PEAK1: variants seen among roughly 807,000 people sequenced by gnomAD.
PEAK1 encodes the protein inactive tyrosine-protein kinase PEAK1.
PEAK1 carries 54 observed loss-of-function variants against 124.7 expected under a neutral mutation model. That is an observed-to-expected ratio of 0.43 (90% CI 0.35 to 0.54). The LOEUF (loss-of-function observed/expected upper bound fraction) is 0.54. Ranked by LOEUF, PEAK1 falls within the 20% of genes least tolerant of loss-of-function variation. The pLI, the probability that PEAK1 is intolerant of heterozygous loss-of-function variation, is 0.01. For missense variants in PEAK1, 2,046 were observed against 2,134.5 expected, an observed-to-expected ratio of 0.96 and a Z score of 0.82; for synonymous variants, 719 against 760.0, an observed-to-expected ratio of 0.95 and a Z score of 0.89.
chr15:77,166,981 G>A (rs374704146), intron 7 of PEAK1, among the ~76,000 whole-genome samples: 19 of 152,274 alleles, frequency 1.2e-4, no homozygotes, highest in African/African-American at 4.3e-4. Flanking sequence ...CATCTCTAGG[G>A]ATTGATTTAA....
chr15:77,403,193 T>G (rs1595858211), intron 1 of PEAK1: 1 of 985,410 alleles, frequency 1.0e-6, no homozygotes. Flanking sequence ...CCAATGAGAT[T>G]GTATTTGTCT....
intron 7 of PEAK1, among the ~76,000 whole-genome samples, chr15:77,168,479 T>C (rs919068558): frequency 3.3e-5 from 5 of 152,214 alleles, no homozygotes; most frequent in Non-Finnish European, 2.9e-5. Context: ...AACCCTGTTG[T>C]AGCTTGAAAA....
At chr15:77,417,459 C>CG (rs745566711) in intron 1 of PEAK1, 89,476 of 375,394 alleles carry the variant, frequency 0.24, 3,880 homozygotes, top group Middle Eastern at 0.25. Flanking sequence ...GGATGCGGGG[C>CG]GGGGGGGGAG....
At chr15:77,328,776 C>T (rs946594269) in intron 2 of PEAK1, among the ~76,000 whole-genome samples, 9 of 152,076 alleles carry the variant, frequency 5.9e-5, no homozygotes, top group African/African-American at 2.2e-4. Context: ...GCATTATAAA[C>T]CACATAGTTG....
chr15:77,336,978 T>C (rs181357124), intron 2 of PEAK1: 4 of 356,632 alleles, frequency 1.1e-5, no homozygotes, highest in Admixed American at 6.5e-5. Context: ...CTAAACACTA[T>C]ATAATATTTT....
At chr15:77,249,889 C>T (rs928111112) in intron 6 of PEAK1, among the ~76,000 whole-genome samples, 1 of 151,908 alleles carries the variant, frequency 6.6e-6, no homozygotes, top group African/African-American at 2.4e-5. Flanking sequence ...AATCTGATCA[C>T]TTTCTATGTA....
chr15:77,398,412 C>A (rs2141989809), intron 1 of PEAK1, among the ~76,000 whole-genome samples: 1 of 152,300 alleles, frequency 6.6e-6, no homozygotes, highest in African/African-American at 2.4e-5. Context: ...AAAGACCATT[C>A]ATCATGATCA....
At chr15:77,254,188 G>T (rs1478369851) in intron 5 of PEAK1, among the ~76,000 whole-genome samples, 1 of 151,892 alleles carries the variant, frequency 6.6e-6, no homozygotes, top group Non-Finnish European at 1.5e-5. Flanking sequence ...TATTCTACTT[G>T]GAGTTTACTG....
Position 77,265,297 on chromosome 15 carries a change from C to G in PEAK1, c.-274-12771G>C, listed in dbSNP as rs1267429006. ...AAGAGCTTCTGCACAGCAAAAGAAA[C>G]TACCAACAAAGTGAATAGACAACCC... On this transcript the variant is annotated intron_variant, in intron 5 of 9. Coordinates refer to ENST00000682557, the MANE Select transcript of PEAK1 (RefSeq NM_001385026.1). Among the ~76,000 whole-genome samples, 4 of 152,140 alleles carry G rather than the reference C, an allele frequency of 2.6e-5. No homozygotes were observed. The South Asian group carries it at 6.2e-4, about 24-fold the overall frequency.
At chr15:77,245,665 C>T (rs937187384) in intron 6 of PEAK1, among the ~76,000 whole-genome samples, 5 of 151,968 alleles carry the variant, frequency 3.3e-5, no homozygotes, top group Admixed American at 1.3e-4. Context: ...TACCACTGCA[C>T]TCCAGCCTGG....
chr15:77,333,095 A>G, intron 2 of PEAK1: 1 of 983,570 alleles, frequency 1.0e-6, no homozygotes, highest in Non-Finnish European at 1.2e-6. Context: ...TTGCCTTTCA[A>G]TTTTGTTGAT....
At chr15:77,173,424 A>G (rs1190301777) in intron 7 of PEAK1, among the ~76,000 whole-genome samples, 1 of 152,222 alleles carries the variant, frequency 6.6e-6, no homozygotes, top group East Asian at 1.9e-4. Context: ...GTTATTAACA[A>G]ATCTATCACC....
chr15:77,330,487 CA>C (rs35672757), intron 2 of PEAK1, among the ~76,000 whole-genome samples: 54,892 of 152,008 alleles, frequency 0.36, 10,065 homozygotes, highest in Non-Finnish European at 0.38. Context: ...AAAGTGCTTA[CA>C]AAAGGTCCTA....
chr15:77,348,334 G>C, intron 2 of PEAK1: 2 of 877,436 alleles, frequency 2.3e-6, no homozygotes, highest in Non-Finnish European at 2.7e-6. Flanking sequence ...AAGATTGATA[G>C]GAATATTAAA....
chr15:77,258,634 A>G (rs1008753972), intron 5 of PEAK1, among the ~76,000 whole-genome samples: 16 of 152,278 alleles, frequency 1.1e-4, no homozygotes, highest in Admixed American at 7.2e-4. Context: ...GGGCTGAGAC[A>G]ATGGGGTTTC....
intron 1 of PEAK1, chr15:77,419,481 G>A (rs969675983): frequency 6.1e-6 from 6 of 985,096 alleles, no homozygotes; most frequent in Admixed American, 6.2e-5. Context: ...GCGGCGCGAA[G>A]GGAGCAGGCA....
chr15:77,407,845 T>C (rs1000122909), intron 1 of PEAK1, among the ~76,000 whole-genome samples: 1 of 151,554 alleles, frequency 6.6e-6, no homozygotes, highest in Non-Finnish European at 1.5e-5. Flanking sequence ...TGCAAAAAAA[T>C]ATGGAGCCAG....
chr15:77,202,252 C>A (rs1481477310), intron 6 of PEAK1, among the ~76,000 whole-genome samples: 1 of 152,052 alleles, frequency 6.6e-6, no homozygotes, highest in Non-Finnish European at 1.5e-5. Flanking sequence ...TTTCTCAGAT[C>A]CTTGAACAAC....
intron 6 of PEAK1, among the ~76,000 whole-genome samples, chr15:77,242,598 G>C (rs1211519943): frequency 6.6e-6 from 1 of 152,014 alleles, no homozygotes; most frequent in South Asian, 2.1e-4. Flanking sequence ...AGTTAAGAGG[G>C]TATCACTTTT....
Sources: allele counts gnomAD v4.1 joint callset (sites outside exome capture counted in the v4.1 genomes callset), GRCh38; gene constraint gnomAD v4.1.1; transcripts MANE v1.5; gene names NCBI Gene and HGNC (gene_info 2026-07-23, HGNC 2026-07-21).